Variants in DCDC1 observed in about 807,000 individuals in gnomAD.
The protein encoded by DCDC1 is doublecortin domain containing 1, also known as doublecortin domain-containing protein 1.
Under a neutral mutation model 178.3 loss-of-function variants are expected in DCDC1, and 200 were observed. The observed-to-expected ratio is 1.12, with a 90% CI of 1.00 to 1.26. DCDC1 has a LOEUF of 1.26. DCDC1 is among the 50% of genes most tolerant of loss of function. The pLI is 0.00. For missense variants in DCDC1, 1,983 were observed against 1,749.2 expected (o/e 1.13, Z -2.38); for synonymous variants, 690 against 604.8 (o/e 1.14, Z -2.07).
chr11:31,021,053 T>A (rs1952843379), intron 20 of DCDC1, among the ~76,000 whole-genome samples: 1 of 152,220 alleles, frequency 6.6e-6, no homozygotes, highest in South Asian at 2.1e-4. Context: ...TCTTGCCAAT[T>A]GGCAAAGGTT....
At chr11:30,988,793 C>T (rs766322436) in intron 20 of DCDC1, among the ~76,000 whole-genome samples, 2 of 152,168 alleles carry the variant, frequency 1.3e-5, no homozygotes, top group African/African-American at 4.8e-5. Flanking sequence ...TCAAAGGCAT[C>T]GTAGGCTACA....
intron 20 of DCDC1, among the ~76,000 whole-genome samples, chr11:30,974,918 C>T (rs952567305): frequency 2.6e-5 from 4 of 151,806 alleles, no homozygotes; most frequent in African/African-American, 9.7e-5. Context: ...GATGCAACAA[C>T]AAAAAGAAAA....
At chr11:31,089,612 C>CTT (rs34932827) in intron 17 of DCDC1, among the ~76,000 whole-genome samples, 2,337 of 141,536 alleles carry the variant, frequency 0.017, 18 homozygotes, top group African/African-American at 0.032. Context: ...ATGCTCCGTT[C>CTT]TTTTTTTTTT....
At chr11:31,219,037 G>A (rs933413204) in intron 9 of DCDC1, among the ~76,000 whole-genome samples, 1 of 152,108 alleles carries the variant, frequency 6.6e-6, no homozygotes, top group Non-Finnish European at 1.5e-5. Flanking sequence ...CTTTGACCTG[G>A]AAGAACGGAG....
rs113338604 is a variant in DCDC1 at position 30,890,735 on chromosome 11, T to G, written c.5082+2083A>C. Among the ~76,000 whole-genome samples the G allele has an allele frequency of 7.7e-3, 1,172 of 152,330 alleles. 17 individuals are homozygous for G. Among genetic ancestry groups the G allele is most frequent in the African/African-American group, 0.026 (1,088 of 41,584 alleles). ...CATTCTAGTCTTTTTTCTATATCTGTGCATATATGTGTGCAGAACTTAACT... is the reference window on the plus strand; with the variant it reads ...CATTCTAGTCTTTTTTCTATATCTGGGCATATATGTGTGCAGAACTTAACT... On this transcript the variant is annotated intron_variant, in intron 36 of 38. Coordinates refer to ENST00000684477, the MANE Select transcript of DCDC1 (RefSeq NM_001387274.1).
At chr11:31,074,993 G>T (rs1956781485) in intron 18 of DCDC1, among the ~76,000 whole-genome samples, 1 of 152,076 alleles carries the variant, frequency 6.6e-6, no homozygotes, top group Admixed American at 6.6e-5. Flanking sequence ...GGCTTTTAGT[G>T]CATCCATCAC....
intron 6 of DCDC1, among the ~76,000 whole-genome samples, chr11:31,296,102 C>CAGCA (rs1322332376): frequency 9.9e-5 from 15 of 152,086 alleles, no homozygotes; most frequent in Admixed American, 3.3e-4. Context: ...GCCAGCCAGC[C>CAGCA]AGCCAGCCAG....
At chr11:31,138,738 T>G (rs1373862260) in intron 9 of DCDC1, among the ~76,000 whole-genome samples, 1 of 152,192 alleles carries the variant, frequency 6.6e-6, no homozygotes, top group Non-Finnish European at 1.5e-5. Context: ...ACATAAATCT[T>G]TAATCCAAAC....
chr11:31,113,774 A>G (rs1959392383), intron 11 of DCDC1, among the ~76,000 whole-genome samples: 1 of 152,160 alleles, frequency 6.6e-6, no homozygotes, highest in South Asian at 2.1e-4. Context: ...CCTTATCTCT[A>G]GCATGGTTAA....
chr11:31,342,430 G>A (rs2133226551), intron 1 of DCDC1, among the ~76,000 whole-genome samples: 1 of 152,264 alleles, frequency 6.6e-6, no homozygotes, highest in Non-Finnish European at 1.5e-5. Flanking sequence ...ATGAAATGGT[G>A]AACTTGGAAG....
intron 8 of DCDC1, among the ~76,000 whole-genome samples, chr11:31,254,070 G>A (rs1263754913): frequency 6.6e-6 from 1 of 152,152 alleles, no homozygotes; most frequent in African/African-American, 2.4e-5. Context: ...GAAAGTTATA[G>A]GGCAAAATAA....
At chr11:31,350,693 T>A (rs1338832649) in intron 1 of DCDC1, among the ~76,000 whole-genome samples, 1 of 152,174 alleles carries the variant, frequency 6.6e-6, no homozygotes, top group East Asian at 1.9e-4. Context: ...ACTTAAATGC[T>A]GCATTGCAGC....
intron 9 of DCDC1, among the ~76,000 whole-genome samples, chr11:31,197,591 G>A (rs1187294594): frequency 6.6e-6 from 1 of 151,986 alleles, no homozygotes; most frequent in Admixed American, 6.6e-5. Flanking sequence ...AGATTTTTCT[G>A]ATTTGAGTAT....
intron 24 of DCDC1, among the ~76,000 whole-genome samples, chr11:30,922,189 C>T (rs1946294506): frequency 6.6e-6 from 1 of 152,122 alleles, no homozygotes; most frequent in African/African-American, 2.4e-5. Context: ...TCTGAAAGCT[C>T]TCCCTAAAGG....
intron 9 of DCDC1, among the ~76,000 whole-genome samples, chr11:31,230,808 T>C (rs1194814891): frequency 6.6e-6 from 1 of 152,174 alleles, no homozygotes; most frequent in African/African-American, 2.4e-5. Flanking sequence ...ATGTTATAAA[T>C]ATTGTCATTA....
intron 11 of DCDC1, among the ~76,000 whole-genome samples, chr11:31,114,112 C>A (rs953656868): frequency 6.6e-6 from 1 of 152,084 alleles, no homozygotes; most frequent in African/African-American, 2.4e-5. Context: ...ACTAACTGAG[C>A]TATATAGAGA....
intron 7 of DCDC1, among the ~76,000 whole-genome samples, chr11:31,268,194 T>C (rs751386527): frequency 2.6e-4 from 39 of 152,216 alleles, no homozygotes; most frequent in Admixed American, 6.5e-4. Context: ...TTATATTTCC[T>C]AGTTATGAGT....
chr11:30,932,638 G>T (rs1177345795), intron 21 of DCDC1, among the ~76,000 whole-genome samples: 1 of 152,144 alleles, frequency 6.6e-6, no homozygotes, highest in African/African-American at 2.4e-5. Context: ...AATATAGACT[G>T]GCAATTACAA....
At chr11:31,362,939 T>C (rs1390915921) in intron 1 of DCDC1, among the ~76,000 whole-genome samples, 1 of 152,082 alleles carries the variant, frequency 6.6e-6, no homozygotes, top group African/African-American at 2.4e-5. Flanking sequence ...TTATTACTAG[T>C]AAACTGACAT....
Sources: allele counts gnomAD v4.1 joint callset (sites outside exome capture counted in the v4.1 genomes callset), GRCh38; gene constraint gnomAD v4.1.1; transcripts MANE v1.5; gene names NCBI Gene and HGNC (gene_info 2026-07-23, HGNC 2026-07-21).